Variants in ZBTB20 observed in about 807,000 individuals in gnomAD.
ZBTB20 encodes zinc finger and BTB domain-containing protein 20.
In ZBTB20, 9 loss-of-function variants were observed where a neutral mutation model predicts 56.9. That is an observed-to-expected ratio of 0.16 (90% confidence interval 0.10 to 0.28). The LOEUF is 0.28. Among genes scored for constraint, ZBTB20 ranks in the 10% least tolerant of loss-of-function variants. The pLI is 1.00. For synonymous variants in ZBTB20, 417 were observed against 420.7 expected (o/e 0.99, Z 0.11); for missense variants, 655 against 1,003.0 (o/e 0.65, Z 4.69).
intron 1 of ZBTB20, among the ~76,000 whole-genome samples, chr3:115,084,710 A>G (rs1279557646): frequency 1.3e-5 from 2 of 152,030 alleles, no homozygotes; most frequent in Non-Finnish European, 2.9e-5. Flanking sequence ...CATGTTAATC[A>G]GTTAGCTATG....
chr3:114,422,778 T>C (rs2089301273), intron 7 of ZBTB20, among the ~76,000 whole-genome samples: 2 of 152,184 alleles, frequency 1.3e-5, no homozygotes, highest in South Asian at 2.1e-4. Context: ...AATTTTTCCA[T>C]TTCTCATTTG....
intron 7 of ZBTB20, among the ~76,000 whole-genome samples, chr3:114,499,740 TC>T (rs567158445): frequency 6.6e-6 from 1 of 152,090 alleles, no homozygotes; most frequent in Non-Finnish European, 1.5e-5. Flanking sequence ...TGTTTTTTTT[TC>T]CCCCCGAATA....
At chr3:114,686,869 C>A (rs1305559076) in intron 6 of ZBTB20, among the ~76,000 whole-genome samples, 1 of 152,132 alleles carries the variant, frequency 6.6e-6, no homozygotes, top group Non-Finnish European at 1.5e-5. Context: ...ATTGACCTCA[C>A]CCTCTTGGAT....
intron 7 of ZBTB20, among the ~76,000 whole-genome samples, chr3:114,464,904 T>C (rs1298225433): frequency 2.0e-5 from 3 of 152,180 alleles, no homozygotes; most frequent in African/African-American, 7.2e-5. Context: ...AGAAGGTACA[T>C]TACAAGGTTC....
At chr3:114,887,167 A>C (rs2076631578) in intron 4 of ZBTB20, among the ~76,000 whole-genome samples, 1 of 152,162 alleles carries the variant, frequency 6.6e-6, no homozygotes, top group Admixed American at 6.5e-5. Context: ...AGACTCATCC[A>C]TTCATGGGCC....
intron 1 of ZBTB20, among the ~76,000 whole-genome samples, chr3:115,072,882 G>C (rs2082459834): frequency 6.6e-6 from 1 of 152,150 alleles, no homozygotes; most frequent in South Asian, 2.1e-4. Flanking sequence ...CCAGATGCGT[G>C]ACTTTGTGGA....
At chr3:114,525,356 C>A (rs1173354066) in intron 6 of ZBTB20, among the ~76,000 whole-genome samples, 1 of 152,148 alleles carries the variant, frequency 6.6e-6, no homozygotes, top group Non-Finnish European at 1.5e-5. Flanking sequence ...ATCCTACCAG[C>A]TTCTCCCTCC....
intron 5 of ZBTB20, among the ~76,000 whole-genome samples, chr3:114,697,965 G>A (rs2063147781): frequency 6.6e-6 from 1 of 152,024 alleles, no homozygotes; most frequent in African/African-American, 2.4e-5. Flanking sequence ...AAGGATTACT[G>A]GCAGGTGAAT....
At chr3:114,784,210 G>A (rs1331723467) in intron 5 of ZBTB20, among the ~76,000 whole-genome samples, 2 of 152,212 alleles carry the variant, frequency 1.3e-5, no homozygotes, top group East Asian at 3.9e-4. Context: ...GTTAACTAGA[G>A]TTGCCACAGG....
At chr3:114,451,994 A>T (rs2109034410) in intron 7 of ZBTB20, among the ~76,000 whole-genome samples, 1 of 152,220 alleles carries the variant, frequency 6.6e-6, no homozygotes, top group South Asian at 2.1e-4. Context: ...AGCTTTCAGT[A>T]ACAGCCTGTT....
intron 5 of ZBTB20, chr3:114,792,295 A>T (rs1354743968): frequency 6.6e-6 from 1 of 152,146 alleles, no homozygotes; most frequent in South Asian, 2.1e-4. Flanking sequence ...ATTAATGCAC[A>T]TTCTGATTTA....
intron 5 of ZBTB20, among the ~76,000 whole-genome samples, chr3:114,708,221 G>A (rs947402751): frequency 1.3e-5 from 2 of 152,138 alleles, no homozygotes; most frequent in African/African-American, 2.4e-5. Context: ...GTTACTCTAA[G>A]TGTTAACCTT....
chr3:115,087,444 G>A (rs550996877), intron 1 of ZBTB20, among the ~76,000 whole-genome samples: 12 of 151,964 alleles, frequency 7.9e-5, no homozygotes, highest in African/African-American at 2.9e-4. Context: ...GGTTTTAAAA[G>A]TCTAAATATA....
chr3:114,939,259 C>A (rs1332363608), intron 3 of ZBTB20, among the ~76,000 whole-genome samples: 3 of 146,278 alleles, frequency 2.1e-5, no homozygotes. Flanking sequence ...AACAAAGATG[C>A]TCATCGCAGT....
chr3:114,812,554 G>A (rs561169063), intron 4 of ZBTB20, among the ~76,000 whole-genome samples: 1 of 152,202 alleles, frequency 6.6e-6, no homozygotes, highest in Non-Finnish European at 1.5e-5. Context: ...ATAGAGTGTC[G>A]ATTGGTGTAC....
intron 6 of ZBTB20, among the ~76,000 whole-genome samples, chr3:114,589,927 T>C (rs902247163): frequency 2.0e-5 from 3 of 152,190 alleles, no homozygotes; most frequent in African/African-American, 4.8e-5. Flanking sequence ...CCTTATTTCA[T>C]AGCAAATACC....
At chr3:114,413,915 G>T (rs931500984) in intron 7 of ZBTB20, among the ~76,000 whole-genome samples, 4 of 152,122 alleles carry the variant, frequency 2.6e-5, no homozygotes, top group Admixed American at 2.6e-4. Context: ...GCTGTTTTCT[G>T]CCCAGTAGCC....
At chr3:114,871,061 GAA>G (rs1459054553) in intron 4 of ZBTB20, among the ~76,000 whole-genome samples, 5 of 152,056 alleles carry the variant, frequency 3.3e-5, no homozygotes, top group African/African-American at 7.2e-5. Flanking sequence ...AGAATGAGAA[GAA>G]GAAGTCTTTT....
At chr3:114,792,841 A>G (rs1255285623) in intron 5 of ZBTB20, among the ~76,000 whole-genome samples, 2 of 150,832 alleles carry the variant, frequency 1.3e-5, no homozygotes, top group African/African-American at 4.9e-5. Flanking sequence ...ATTCATAAGT[A>G]TGTTTGAATT....
Sources: allele counts gnomAD v4.1 joint callset (sites outside exome capture counted in the v4.1 genomes callset), GRCh38; gene constraint gnomAD v4.1.1; transcripts MANE v1.5; gene names NCBI Gene and HGNC (gene_info 2026-07-23, HGNC 2026-07-21).